Variants in MMP3 observed in about 807,000 individuals in gnomAD.
The protein encoded by MMP3 is stromelysin-1.
MMP3 carries 46 observed loss-of-function variants against 47.3 expected under a neutral mutation model. That is an observed-to-expected ratio of 0.97 (90% CI 0.77 to 1.24). The LOEUF is 1.24. MMP3 is among the 50% of genes most tolerant of loss of function. The pLI is 0.00. For missense variants in MMP3, 558 were observed against 565.5 expected, an observed-to-expected ratio of 0.99 and a Z score of 0.13; for synonymous variants, 216 against 206.5, an observed-to-expected ratio of 1.05 and a Z score of -0.39.
In MMP3 at chr11:102,837,295, T is replaced by C; in HGVS notation, c.1333+3A>G. 2 of 1,610,832 alleles carry C rather than the reference T, an allele frequency of 1.2e-6. No homozygotes were observed. Among genetic ancestry groups the C allele is most frequent in the African/African-American group, 1.3e-5 (1 of 74,996 alleles). ...ATGGCCAACACAGTAAGTATCCTCT[T>C]ACCAAATTCTTCAAAAACAGCATCA... On this transcript the variant is annotated splice_donor_region_variant and intron_variant, in intron 9 of 9. Transcript: ENST00000299855. The surrounding 1 kb of genome is among the most constrained non-coding windows in gnomAD (Gnocchi z 4.4).
In MMP3 at chr11:102,842,999, C is replaced by G. The variant is rs540862507; in HGVS notation, c.106-83G>C. On this transcript the variant is annotated intron_variant, in intron 1 of 9. Transcript: ENST00000299855. ...TTTATAGTAAGTTTTTGCAGTTGCT[C>G]ACTTCTTAATCTATTTGGAGTATTT... The G allele has an allele frequency of 2.4e-5, 29 of 1,213,202 alleles. No homozygotes were observed. In the African/African-American group the frequency reaches 4.5e-4, roughly 19 times the overall value. 75.2% of individuals were successfully genotyped at this position (1,213,202 alleles called of 1,614,324 possible).
chr11:102,842,068 C>G, intron 4 of MMP3, 86 bp downstream of exon 4: 3 of 1,318,942 alleles, frequency 2.3e-6, no homozygotes, highest in Non-Finnish European at 3.0e-6. Flanking sequence ...CAGAACATCT[C>G]ATTTCTTGAG....
Position 102,840,155 on chromosome 11 carries a change from A to G in MMP3, c.888T>C (p.Phe296=). 6.2e-7 allele frequency: 1 copy of G among 1,614,126 alleles called. No individual in the cohort carries two copies. Among genetic ancestry groups the G allele is most frequent in the Non-Finnish European group, 8.5e-7 (1 of 1,179,996 alleles). The stretch of plus-strand genomic sequence containing the variant: ...CTCCCCTCAGAGTGCTGACAGCATC[A>G]AAGGACAAAGCAGGATCACAGTTGG... ...TPANCDPALS[F]DAVSTLRGEI... The change falls in exon 6 of 10, where the codon TTT becomes TTC. Residue 296 remains phenylalanine, a synonymous_variant. Transcript: ENST00000299855.
intron 6 of MMP3, 51 bp downstream of exon 6, chr11:102,840,057 T>C: frequency 6.5e-7 from 1 of 1,548,422 alleles, no homozygotes; most frequent in East Asian, 2.3e-5. Flanking sequence ...TGTTTTCCTT[T>C]CTAAACATTG....
At chr11:102,839,800 T>G (rs184487393) in intron 6 of MMP3, among the ~76,000 whole-genome samples, 63 of 152,352 alleles carry the variant, frequency 4.1e-4, no homozygotes, top group African/African-American at 1.4e-3. Flanking sequence ...CTGATGTCAT[T>G]TTTAAAGGAA....
chr11:102,836,791 C>CTT lies in MMP3; in HGVS notation c.1333+505_1333+506dup. The CTT allele has an allele frequency of 6.7e-5, 13 of 193,998 alleles. No individual in the cohort carries two copies. The highest frequency in any genetic ancestry group is 1.4e-4 in the East Asian group (1 of 6,946). The allele number at this position is 193,998 out of a possible 1,614,324, so 12.0% of individuals were successfully genotyped here. ...CCTTACCTTGAGTAGAAAACAAAAT[C>CTT]TTTTTTTTTTTTTAAACTTTGGGCA... On this transcript the variant is annotated intron_variant, in intron 9 of 9. Transcript: ENST00000299855. This position sits in a 1 kb window ranked among gnomAD's most constrained non-coding sequence, Gnocchi z 4.6.
chr11:102,841,224 TA>T (rs1449093263), intron 4 of MMP3, among the ~76,000 whole-genome samples: 2 of 152,216 alleles, frequency 1.3e-5, no homozygotes, highest in Admixed American at 6.5e-5. Context: ...TTTTCCTTCA[TA>T]TTTTTAAAAA....
At position 102,842,847 on chromosome 11, in the gene MMP3, G is replaced by A. The variant is rs949774544; in HGVS notation, c.175C>T (p.Pro59Ser). 1.2e-6 allele frequency: 2 copies of A among 1,613,646 alleles called. No homozygotes were observed. The highest frequency in any genetic ancestry group is 2.2e-5 in the South Asian group (2 of 91,036). The stretch of plus-strand genomic sequence containing the variant: ...ATTTCTCGGATTTTTTTAACAACAG[G>A]ACCACTGTCCTTTCTCCTAACAAAC... ...KQFVRRKDSG[P>S]VVKKIREMQK... Residue 59 changes from proline to serine, a missense_variant, in exon 2 of 10, where the codon CCT becomes TCT. By Grantham distance (74) the Pro-to-Ser change is moderately conservative. Transcript: ENST00000299855.
rs1054017186 is a variant in MMP3, at chr11:102,836,992, T to C, written c.1333+306A>G. On this transcript the variant is annotated intron_variant, in intron 9 of 9. Coordinates refer to ENST00000299855, the MANE Select transcript of MMP3 (RefSeq NM_002422.5). This position sits in a 1 kb window ranked among gnomAD's most constrained non-coding sequence, Gnocchi z 4.6. ...ACTTGATGGGATTTTTATGCTAACATGGTAATCTGAAAGTCGAGCTTGACT... is the reference window on the plus strand; with the variant it reads ...ACTTGATGGGATTTTTATGCTAACACGGTAATCTGAAAGTCGAGCTTGACT... 2.0e-5 allele frequency among the ~76,000 whole-genome samples: 3 copies of C among 152,250 alleles called. No homozygotes were observed. In the South Asian group the frequency reaches 6.2e-4, roughly 32 times the overall value.
Position 102,837,739 on chromosome 11 carries a change from T to A in MMP3, c.1230-338A>T, listed in dbSNP as rs79874829. ...ATATATAAAGTGAATTGAATCAACA[T>A]CTAAAATGCAATTTTAATTCCCTAC... On this transcript the variant is annotated intron_variant, in intron 8 of 9. Coordinates refer to ENST00000299855, the MANE Select transcript of MMP3 (RefSeq NM_002422.5). This position sits in a 1 kb window ranked among gnomAD's most constrained non-coding sequence, Gnocchi z 4.4. Among the ~76,000 whole-genome samples the A allele has an allele frequency of 6.2e-4, 95 of 152,118 alleles. No individual in the cohort carries two copies. The East Asian group carries it at 0.017, about 27-fold the overall frequency.
chr11:102,843,312 A>G lies in MMP3; in HGVS notation c.105+130T>C, dbSNP rs534557990. The G allele has an allele frequency of 7.0e-4, 481 of 691,824 alleles. 7 individuals carry two copies. The highest frequency in any genetic ancestry group is 5.9e-3 in the South Asian group (330 of 56,134). 42.9% of individuals were successfully genotyped at this position (691,824 alleles called of 1,614,324 possible). On this transcript the variant is annotated intron_variant, in intron 1 of 9. Transcript: ENST00000299855. ...AGACCTTTTCCACTTCCAACACTCT[A>G]TAACTCTCTATTCTTGAACTGTTCC...
At position 102,842,828 on chromosome 11, in the gene MMP3, C is replaced by G; in HGVS notation, c.194G>C (p.Arg65Pro). ...CAATCCAAGGAACTTCTGCATTTCT[C>G]GGATTTTTTTAACAACAGGACCACT... The part of the protein sequence containing the change: ...KDSGPVVKKI[R>P]EMQKFLGLEV... The change falls in exon 2 of 10, where the codon CGA becomes CCA. Residue 65 changes from arginine (R) to proline (P), a missense_variant. Coordinates refer to ENST00000299855, the MANE Select transcript of MMP3 (RefSeq NM_002422.5). 6.2e-7 allele frequency: 1 copy of G among 1,613,814 alleles called. No individual in the cohort carries two copies. Among genetic ancestry groups the G allele is most frequent in the Non-Finnish European group, 8.5e-7 (1 of 1,179,896 alleles).
In MMP3 at chr11:102,842,757, T is replaced by C; in HGVS notation, c.265A>G (p.Lys89Glu). The change falls in exon 2 of 10, where the codon AAG becomes GAG. Residue 89 changes from lysine to glutamate, a missense_variant. Physicochemically the swap from Lys to Glu is moderately conservative, Grantham distance 56. Coordinates refer to ENST00000299855, the MANE Select transcript of MMP3 (RefSeq NM_002422.5). ...ACATCAGGAACTCCACACCTGGGCT[T>C]GCGCATCACCTCCAGAGTGTCGGAG... ...LDSDTLEVMR[K>E]PRCGVPDVGH... 1.9e-6 allele frequency: 3 copies of C among 1,613,984 alleles called. No homozygotes were observed. The highest frequency in any genetic ancestry group is 1.1e-5 in the South Asian group (1 of 91,084).
intron 4 of MMP3, 121 bp downstream of exon 4, chr11:102,842,033 C>T: frequency 1.1e-6 from 1 of 948,566 alleles, no homozygotes. Context: ...ATATATTCTG[C>T]TGATCTCTGA....
At chr11:102,839,015 G>T in intron 7 of MMP3, 95 bp downstream of exon 7, 1 of 1,365,928 alleles carries the variant, frequency 7.3e-7, no homozygotes, top group Non-Finnish European at 1.0e-6. Flanking sequence ...TACTGTATTA[G>T]CCAGAACTTG....
At position 102,842,840 on chromosome 11, in the gene MMP3, A is replaced by T. The variant is rs1555005816; in HGVS notation, c.182T>A (p.Val61Asp). The change falls in exon 2 of 10, where the codon GTT (valine) becomes GAT (aspartate). Residue 61 changes from valine to aspartate, a missense_variant. Val to Asp is a radical substitution (Grantham distance 152). Transcript: ENST00000299855. ...CTTCTGCATTTCTCGGATTTTTTTA[A>T]CAACAGGACCACTGTCCTTTCTCCT... ...FVRRKDSGPV[V>D]KKIREMQKFL... The T allele has an allele frequency of 6.2e-7, 1 of 1,613,822 alleles. No homozygotes were observed. Among genetic ancestry groups the T allele is most frequent in the Non-Finnish European group, 8.5e-7 (1 of 1,179,898 alleles).
chr11:102,841,403 C>T (rs1555005397), intron 4 of MMP3, among the ~76,000 whole-genome samples: 1 of 152,176 alleles, frequency 6.6e-6, no homozygotes, highest in Non-Finnish European at 1.5e-5. Context: ...CTCAACCAAT[C>T]AAGAATTCTA....
In MMP3 at chr11:102,842,501, C is replaced by T; in HGVS notation, c.429G>A (p.Glu143=). The change falls in exon 3 of 10, where the codon GAG becomes GAA. Residue 143 remains glutamate (E), a synonymous_variant. Coordinates refer to ENST00000299855, the MANE Select transcript of MMP3 (RefSeq NM_002422.5). Reference sequence around the variant, plus strand: ...GCCTGGAGAATGTGAGTGGAGTCACCTCTTCCCAGACTTTCAGAGCTTTCT... The same window carrying T: ...GCCTGGAGAATGTGAGTGGAGTCACTTCTTCCCAGACTTTCAGAGCTTTCT... ...AVEKALKVWE[E]VTPLTFSRLY... 1 of 1,588,356 alleles carries T rather than the reference C, an allele frequency of 6.3e-7. No homozygotes were observed. The highest frequency in any genetic ancestry group is 8.6e-7 in the Non-Finnish European group (1 of 1,166,794).
rs114749974 is a variant in MMP3 at position 102,842,773 on chromosome 11, A to T, written c.249T>A (p.Thr83=). 3 of 1,613,942 alleles carry T rather than the reference A, an allele frequency of 1.9e-6. No individual in the cohort carries two copies. Among genetic ancestry groups the T allele is most frequent in the Non-Finnish European group, 2.5e-6 (3 of 1,179,968 alleles). Residue 83 remains threonine, a synonymous_variant, in exon 2 of 10, where the codon ACT becomes ACA. Coordinates refer to ENST00000299855, the MANE Select transcript of MMP3 (RefSeq NM_002422.5). ...ACCTGGGCTTGCGCATCACCTCCAG[A>T]GTGTCGGAGTCCAGCTTCCCCGTCA... ...LEVTGKLDSD[T]LEVMRKPRCG... is the part of the protein sequence containing the mutation.
Sources: allele counts gnomAD v4.1 joint callset (sites outside exome capture counted in the v4.1 genomes callset), GRCh38; gene constraint gnomAD v4.1.1; non-coding constraint Gnocchi (gnomAD v3.1); transcripts MANE v1.5; gene names NCBI Gene and HGNC (gene_info 2026-07-23, HGNC 2026-07-21).